The following CNTNAP5 variants were observed in gnomAD, a reference collection of about 807,000 sequenced individuals.
CNTNAP5 encodes the protein contactin-associated protein-like 5.
CNTNAP5 carries 72 observed loss-of-function variants against 150.2 expected under a neutral mutation model. That is an observed-to-expected ratio of 0.48 (90% CI 0.40 to 0.58). CNTNAP5 has a LOEUF of 0.58. Ranked by LOEUF, CNTNAP5 falls within the 20% of genes least tolerant of loss-of-function variation. The pLI is 0.00. For synonymous variants in CNTNAP5, 672 were observed against 619.8 expected, an observed-to-expected ratio of 1.08 and a Z score of -1.25; for missense variants, 1,636 against 1,626.2, an observed-to-expected ratio of 1.01 and a Z score of -0.10.
At chr2:124,898,521 T>A (rs1473388520) in intron 21 of CNTNAP5, among the ~76,000 whole-genome samples, 2 of 151,604 alleles carry the variant, frequency 1.3e-5, no homozygotes, top group East Asian at 3.9e-4. Context: ...ACAGATCTAC[T>A]AGATTTAATA....
chr2:124,243,534 G>A (rs74673441), intron 3 of CNTNAP5, among the ~76,000 whole-genome samples: 3,212 of 152,204 alleles, frequency 0.021, 125 homozygotes, highest in East Asian at 0.18. Context: ...TTTATTCTGG[G>A]TCACTTGTAA....
Position 124,417,426 on chromosome 2 carries a change from T to C in CNTNAP5, c.382-17T>C. The C allele has an allele frequency of 1.2e-6, 2 of 1,610,058 alleles. No individual in the cohort carries two copies. Among genetic ancestry groups the C allele is most frequent in the Middle Eastern group, 1.7e-4 (1 of 6,050 alleles). On this transcript the variant is annotated splice_polypyrimidine_tract_variant and intron_variant, in intron 3 of 23. Transcript: ENST00000682447. ...ATGATAGCACAGACCTCACTGCCTC[T>C]CCTTTCTTCTCTGCAGACCTTTGCA... is the stretch of plus-strand genomic sequence containing the variant.
intron 13 of CNTNAP5, among the ~76,000 whole-genome samples, chr2:124,727,264 A>T (rs1680177327): frequency 6.6e-6 from 1 of 151,982 alleles, no homozygotes; most frequent in African/African-American, 2.4e-5. Context: ...AGGAAGTGTG[A>T]TGTCTCCAGT....
chr2:124,419,932 C>CCT (rs1558893946), intron 4 of CNTNAP5, among the ~76,000 whole-genome samples: 1 of 126,494 alleles, frequency 7.9e-6, no homozygotes, highest in African/African-American at 3.1e-5. Context: ...TTCTTTCTTT[C>CCT]TTTCTTTCTT....
intron 10 of CNTNAP5, among the ~76,000 whole-genome samples, chr2:124,559,662 T>C (rs1270051942): frequency 6.6e-6 from 1 of 152,220 alleles, no homozygotes; most frequent in Non-Finnish European, 1.5e-5. Flanking sequence ...ATGATGGGTC[T>C]TTTTCTGGGT....
intron 1 of CNTNAP5, among the ~76,000 whole-genome samples, chr2:124,214,321 G>A (rs1686098181): frequency 6.6e-6 from 1 of 152,152 alleles, no homozygotes; most frequent in African/African-American, 2.4e-5. Context: ...TTAAAAGCCT[G>A]GAAGGAATCC....
At chr2:124,308,755 G>A (rs185487404) in intron 3 of CNTNAP5, among the ~76,000 whole-genome samples, 4 of 152,290 alleles carry the variant, frequency 2.6e-5, no homozygotes, top group African/African-American at 9.6e-5. Flanking sequence ...AGCACTAACT[G>A]GGCCAACTTC....
intron 5 of CNTNAP5, among the ~76,000 whole-genome samples, chr2:124,443,205 ATG>A (rs1692719526): frequency 6.7e-6 from 1 of 150,346 alleles, no homozygotes; most frequent in South Asian, 2.1e-4. Flanking sequence ...ATTAAATGAA[ATG>A]TGATATGCCC....
intron 13 of CNTNAP5, among the ~76,000 whole-genome samples, chr2:124,734,619 G>A (rs893003606): frequency 6.6e-6 from 1 of 151,754 alleles, no homozygotes. Flanking sequence ...CAAAGCAACT[G>A]CCTGTTTTTA....
At chr2:124,131,756 G>T (rs536503577) in intron 1 of CNTNAP5, among the ~76,000 whole-genome samples, 4 of 152,102 alleles carry the variant, frequency 2.6e-5, no homozygotes, top group Admixed American at 6.5e-5. Flanking sequence ...AGCCCCACAG[G>T]CATGTTATAA....
At chr2:124,621,292 C>A (rs1441014055) in intron 12 of CNTNAP5, among the ~76,000 whole-genome samples, 1 of 152,132 alleles carries the variant, frequency 6.6e-6, no homozygotes, top group African/African-American at 2.4e-5. Context: ...GGATTCAATG[C>A]CAATTTCATG....
intron 8 of CNTNAP5, among the ~76,000 whole-genome samples, chr2:124,516,293 C>G (rs955131247): frequency 1.3e-5 from 2 of 152,058 alleles, no homozygotes; most frequent in Non-Finnish European, 2.9e-5. Flanking sequence ...CTACTTTATT[C>G]TCACAAAAGT....
chr2:124,700,270 C>T (rs1027006714), intron 13 of CNTNAP5, among the ~76,000 whole-genome samples: 1 of 152,138 alleles, frequency 6.6e-6, no homozygotes, highest in South Asian at 2.1e-4. Context: ...CCTCAATTAA[C>T]AAACATTTGG....
intron 19 of CNTNAP5, among the ~76,000 whole-genome samples, chr2:124,802,582 G>A (rs1169722278): frequency 6.6e-6 from 1 of 152,180 alleles, no homozygotes; most frequent in Non-Finnish European, 1.5e-5. Context: ...TCTGAGTCTG[G>A]ACGGTTGGAG....
intron 10 of CNTNAP5, among the ~76,000 whole-genome samples, chr2:124,542,814 C>T (rs11888769): frequency 0.42 from 63,837 of 151,756 alleles, 13,943 homozygotes; most frequent in East Asian, 0.63. Flanking sequence ...TGATTATTTA[C>T]TTAATGATTT....
Position 124,025,720 on chromosome 2 carries a change from A to C in CNTNAP5, c.70A>C (p.Thr24Pro). The change falls in exon 1 of 24, where the codon ACA becomes CCA. Residue 24 changes from threonine (T) to proline (P), a missense_variant. Thr to Pro is a conservative substitution (Grantham distance 38). Transcript: ENST00000682447. ...CTCTGGCTTGTGGCATTTAGGATTA[A>C]CAGCGACAAACTGTGAGTACGAGGA... Reference protein sequence around the residue: ...LFSGLWHLGLTATNYNCDDPL... With the variant: ...LFSGLWHLGLPATNYNCDDPL... 1 of 1,613,014 alleles carries C rather than the reference A, an allele frequency of 6.2e-7. No homozygotes were observed. The highest frequency in any genetic ancestry group is 1.3e-5 in the African/African-American group (1 of 74,818).
chr2:124,528,454 A>G (rs571213962), intron 10 of CNTNAP5, among the ~76,000 whole-genome samples: 5 of 152,236 alleles, frequency 3.3e-5, no homozygotes, highest in South Asian at 2.1e-4. Flanking sequence ...AGATTGGCAT[A>G]GAAGCAGGAG....
chr2:124,724,923 C>T (rs201029609), intron 13 of CNTNAP5, among the ~76,000 whole-genome samples: 9 of 111,520 alleles, frequency 8.1e-5, no homozygotes, highest in Admixed American at 1.0e-4. Context: ...ATTCCCTTAG[C>T]TTTTTTTTTT....
At chr2:124,536,327 C>T (rs929729524) in intron 10 of CNTNAP5, among the ~76,000 whole-genome samples, 5 of 152,180 alleles carry the variant, frequency 3.3e-5, no homozygotes, top group Non-Finnish European at 7.4e-5. Context: ...AGTGGGTTCT[C>T]AAAGTATGGC....
Sources: gnomAD v4.1 joint callset for allele counts (sites outside exome capture counted in the v4.1 genomes callset) on GRCh38, gnomAD v4.1.1 for gene constraint, MANE v1.5 for transcripts, NCBI Gene and HGNC (gene_info 2026-07-23, HGNC 2026-07-21) for gene names.